FMN1: variants seen among roughly 807,000 people sequenced by gnomAD.
The protein encoded by FMN1 is formin-1.
A neutral mutation model predicts 132.4 loss-of-function variants in FMN1; 110 were observed. That is an observed-to-expected ratio of 0.83 (90% CI 0.71 to 0.97). FMN1 has a LOEUF of 0.97. FMN1 is among the 50% of genes least tolerant of loss of function. FMN1 has a pLI of 0.00. For missense variants in FMN1, 1,792 were observed against 1,705.3 expected, an observed-to-expected ratio of 1.05 and a Z score of -0.90; for synonymous variants, 722 against 651.7, an observed-to-expected ratio of 1.11 and a Z score of -1.64.
chr15:32,778,569 G>A (rs2056565958), intron 19 of FMN1, among the ~76,000 whole-genome samples: 1 of 151,974 alleles, frequency 6.6e-6, no homozygotes, highest in African/African-American at 2.4e-5. Flanking sequence ...AACATCATTA[G>A]TCATCAGAAA....
At chr15:33,039,984 C>A (rs2036355118) in intron 6 of FMN1, among the ~76,000 whole-genome samples, 1 of 152,152 alleles carries the variant, frequency 6.6e-6, no homozygotes, top group East Asian at 1.9e-4. Context: ...TTGCCTAAAA[C>A]CTTTCAGTGG....
rs1322869586 is a variant in FMN1, at chr15:32,838,661, T to C, written c.3928+18354A>G. ...ACCTCTGTTGTCAGCATTTGGCTAA[T>C]TAAGGAAAGATATTACCCTACAGAT... On this transcript the variant is annotated intron_variant, in intron 17 of 20. Transcript: ENST00000616417. Among the ~76,000 whole-genome samples the C allele has an allele frequency of 2.0e-5, 3 of 152,326 alleles. No homozygotes were observed. The East Asian group carries it at 5.8e-4, about 29-fold the overall frequency.
chr15:33,140,969 T>C (rs1295079496), intron 4 of FMN1, among the ~76,000 whole-genome samples: 1 of 152,232 alleles, frequency 6.6e-6, no homozygotes, highest in East Asian at 1.9e-4. Context: ...TATAAGTGAA[T>C]TGACTATCTC....
At chr15:33,049,225 T>C (rs2036855667) in intron 6 of FMN1, among the ~76,000 whole-genome samples, 1 of 152,164 alleles carries the variant, frequency 6.6e-6, no homozygotes, top group African/African-American at 2.4e-5. Flanking sequence ...GGAATTTTTT[T>C]TAAACAAAAT....
chr15:32,773,485 C>G lies in FMN1; in HGVS notation c.*825G>C, dbSNP rs752582967. 6.6e-6 allele frequency: 1 copy of G among 152,184 alleles called. No individual in the cohort carries two copies. Among genetic ancestry groups the G allele is most frequent in the Non-Finnish European group, 1.5e-5 (1 of 68,078 alleles). The allele number at this position is 152,184 out of a possible 1,614,324, so 9.4% of individuals were successfully genotyped here. On this transcript the variant is annotated 3_prime_UTR_variant, in exon 21 of 21. Coordinates refer to ENST00000616417, the MANE Select transcript of FMN1 (RefSeq NM_001277313.2). Reference sequence around the variant, plus strand: ...GGTGCTCTGCCGCTGGGTCTCTTGTCCAAGCACACCCAAGGCTGTGCTTGC... The same window carrying G: ...GGTGCTCTGCCGCTGGGTCTCTTGTGCAAGCACACCCAAGGCTGTGCTTGC...
chr15:32,988,285 T>A (rs1023358692), intron 7 of FMN1, among the ~76,000 whole-genome samples: 2 of 152,054 alleles, frequency 1.3e-5, no homozygotes, highest in African/African-American at 4.8e-5. Flanking sequence ...AGATAAAGCG[T>A]TGGGGAAGAG....
chr15:32,804,655 C>A, intron 17 of FMN1, among the ~76,000 whole-genome samples: 1 of 128,082 alleles, frequency 7.8e-6, no homozygotes, highest in Admixed American at 7.9e-5. Flanking sequence ...TACTATCCCT[C>A]CCCCAGCCCC....
chr15:33,109,824 A>T (rs756507959), intron 4 of FMN1, among the ~76,000 whole-genome samples: 8 of 146,006 alleles, frequency 5.5e-5, no homozygotes, highest in African/African-American at 7.4e-5. Context: ...TGTATCCCCA[A>T]ATCTAAAATG....
chr15:32,786,507 A>G (rs17816363), intron 19 of FMN1, among the ~76,000 whole-genome samples: 11,571 of 152,174 alleles, frequency 0.076, 531 homozygotes, highest in Middle Eastern at 0.13. Context: ...ATAGAGCTTC[A>G]AGGATGAAAT....
intron 15 of FMN1, among the ~76,000 whole-genome samples, chr15:32,889,154 G>C: frequency 6.6e-6 from 1 of 152,112 alleles, no homozygotes; most frequent in East Asian, 1.9e-4. Context: ...TGCAAATGTT[G>C]TCTGGCTTAT....
intron 6 of FMN1, among the ~76,000 whole-genome samples, chr15:33,051,658 G>A (rs952873251): frequency 6.6e-6 from 1 of 152,100 alleles, no homozygotes; most frequent in African/African-American, 2.4e-5. Context: ...GTTTTTAGCT[G>A]GTATATGACC....
At chr15:32,924,521 C>A (rs754939426) in intron 10 of FMN1, among the ~76,000 whole-genome samples, 4 of 152,124 alleles carry the variant, frequency 2.6e-5, no homozygotes, top group Admixed American at 6.5e-5. Flanking sequence ...CCTAAAGGGC[C>A]GTGTGGTGTC....
chr15:32,961,022 C>G (rs903333335), intron 9 of FMN1, among the ~76,000 whole-genome samples: 2 of 135,868 alleles, frequency 1.5e-5, no homozygotes, highest in African/African-American at 5.5e-5. Flanking sequence ...AAAAAAAAGG[C>G]AGGGTTGATG....
intron 16 of FMN1, among the ~76,000 whole-genome samples, chr15:32,880,436 G>C (rs1407570223): frequency 2.0e-5 from 3 of 152,102 alleles, no homozygotes; most frequent in African/African-American, 7.2e-5. Flanking sequence ...CCTTCTCCAT[G>C]ATGCTTTTGA....
intron 17 of FMN1, among the ~76,000 whole-genome samples, chr15:32,827,080 A>G (rs1223057288): frequency 1.3e-5 from 2 of 152,162 alleles, no homozygotes; most frequent in Non-Finnish European, 2.9e-5. Context: ...GCTCCCTTTC[A>G]TGAACAGGTT....
chr15:33,133,919 A>G (rs1963652363), intron 4 of FMN1, among the ~76,000 whole-genome samples: 1 of 152,112 alleles, frequency 6.6e-6, no homozygotes, highest in Non-Finnish European at 1.5e-5. Context: ...GACCTAATAA[A>G]TTACAAAATT....
chr15:32,952,075 T>C (rs112100258), intron 9 of FMN1, among the ~76,000 whole-genome samples: 1 of 152,204 alleles, frequency 6.6e-6, no homozygotes. Context: ...TCCTTTTCCA[T>C]GCACCTTCAG....
intron 3 of FMN1, among the ~76,000 whole-genome samples, chr15:33,178,578 A>G (rs1384155228): frequency 6.6e-6 from 1 of 152,056 alleles, no homozygotes; most frequent in East Asian, 1.9e-4. Context: ...TCCCTCCTTA[A>G]CCCCTAGCAC....
chr15:33,065,548 TATA>T (rs1375897096), intron 5 of FMN1, among the ~76,000 whole-genome samples: 1 of 152,214 alleles, frequency 6.6e-6, no homozygotes. Flanking sequence ...CTTTTATTCC[TATA>T]AACGAATGAA....
Sources: allele counts gnomAD v4.1 joint callset (sites outside exome capture counted in the v4.1 genomes callset), GRCh38; gene constraint gnomAD v4.1.1; transcripts MANE v1.5; gene names NCBI Gene and HGNC (gene_info 2026-07-23, HGNC 2026-07-21).